Variants in ARSB observed in about 807,000 individuals in gnomAD.
ARSB encodes the protein arylsulfatase B.
ARSB carries 41 observed loss-of-function variants against 50.9 expected under a neutral mutation model. The ratio of observed to expected loss-of-function variants is 0.81; its 90% confidence interval spans 0.63 to 1.04. The LOEUF is 1.04. Ranked by LOEUF, ARSB falls within the 50% of genes least tolerant of loss-of-function variation. The probability of loss-of-function intolerance (pLI) is 0.00; values close to 1 mark genes in which losing one functional copy is unlikely to be tolerated. For synonymous variants in ARSB, 269 were observed against 284.8 expected (o/e 0.94, Z 0.56); for missense variants, 672 against 693.3 (o/e 0.97, Z 0.35).
Position 78,780,440 on chromosome 5 carries a change from C to T in ARSB, c.1559G>A (p.Arg520His), listed in dbSNP as rs889344708. Residue 520 changes from arginine to histidine, a missense_variant, in exon 8 of 8, where the codon CGC becomes CAC. Coordinates refer to ENST00000264914, the MANE Select transcript of ARSB (RefSeq NM_000046.5). ...CACCCCAGTGGCCTTGGGATCACAG[C>T]GGGGGTCCTGTGCAGGGAAGTACAC... ...VPVYFPAQDPRCDPKATGVWG... is the reference protein window; with the variant it reads ...VPVYFPAQDPHCDPKATGVWG... 9.3e-6 allele frequency: 15 copies of T among 1,613,986 alleles called. No individual in the cohort carries two copies. In the Admixed American group the frequency reaches 1.0e-4, roughly 11 times the overall value.
At chr5:78,816,209 C>A (rs1011796956) in intron 6 of ARSB, 6 of 1,608,718 alleles carry the variant, frequency 3.7e-6, no homozygotes, top group Non-Finnish European at 5.1e-6. Context: ...AGATTTCTTA[C>A]AATCTCACTA....
At chr5:78,872,060 A>G (rs901795655) in intron 5 of ARSB, among the ~76,000 whole-genome samples, 7 of 150,806 alleles carry the variant, frequency 4.6e-5, no homozygotes, top group Non-Finnish European at 1.0e-4. Context: ...AAAACACATG[A>G]AAAAATGCTC....
At position 78,850,060 on chromosome 5, in the gene ARSB, T is replaced by C. The variant is rs879792585; in HGVS notation, c.1143-10634A>G. ...TAATTGAATGCCCTTTATTTCCTTCTCCTGCCTAATTGCCCTGGCCAGAAC... is the reference window on the plus strand; with the variant it reads ...TAATTGAATGCCCTTTATTTCCTTCCCCTGCCTAATTGCCCTGGCCAGAAC... On this transcript the variant is annotated intron_variant, in intron 5 of 7. Coordinates refer to ENST00000264914, the MANE Select transcript of ARSB (RefSeq NM_000046.5). 7.2e-4 allele frequency among the ~76,000 whole-genome samples: 109 copies of C among 152,014 alleles called. 2 individuals carry two copies. The highest frequency in any genetic ancestry group is 1.7e-3 in the African/African-American group (71 of 41,492).
chr5:78,942,185 T>G (rs1284363949), intron 4 of ARSB, among the ~76,000 whole-genome samples: 1 of 152,210 alleles, frequency 6.6e-6, no homozygotes, highest in Non-Finnish European at 1.5e-5. Context: ...TCTTCTTTAT[T>G]AGTCTTGCTA....
chr5:78,971,368 G>A (rs55824250), intron 1 of ARSB, among the ~76,000 whole-genome samples: 29,607 of 152,086 alleles, frequency 0.19, 3,028 homozygotes, highest in African/African-American at 0.26. Flanking sequence ...GCCTTCCCCA[G>A]CCCTGGGAGC....
In ARSB at chr5:78,853,004, T is replaced by G. The variant is rs536150679; in HGVS notation, c.1143-13578A>C. 2.2e-4 allele frequency among the ~76,000 whole-genome samples: 33 copies of G among 152,348 alleles called. No homozygotes were observed. In the East Asian group the frequency reaches 5.8e-3, roughly 27 times the overall value. On this transcript the variant is annotated intron_variant, in intron 5 of 7. Transcript: ENST00000264914. ...TAACTTCTTTGCCTTTGGTTTGAAT[T>G]TCCTCCTGTAGCTCAGAGTAGTTTG...
chr5:78,974,772 G>A (rs773204427), intron 1 of ARSB, among the ~76,000 whole-genome samples: 5 of 152,122 alleles, frequency 3.3e-5, no homozygotes, highest in Non-Finnish European at 5.9e-5. Context: ...TGAGGCCTCC[G>A]CACTCCCCTT....
At chr5:78,848,862 T>C (rs1018864524) in intron 5 of ARSB, among the ~76,000 whole-genome samples, 40 of 152,232 alleles carry the variant, frequency 2.6e-4, no homozygotes, top group Non-Finnish European at 7.3e-5. Context: ...GCTGCATAAA[T>C]GTCTTCTTTT....
intron 6 of ARSB, among the ~76,000 whole-genome samples, chr5:78,803,716 G>C (rs1484486591): frequency 1.3e-5 from 2 of 152,380 alleles, no homozygotes; most frequent in African/African-American, 4.8e-5. Flanking sequence ...AGCCCTTGCA[G>C]AGCTACAAAT....
At chr5:78,959,634 A>G (rs1751896648) in intron 3 of ARSB, among the ~76,000 whole-genome samples, 1 of 152,174 alleles carries the variant, frequency 6.6e-6, no homozygotes, top group African/African-American at 2.4e-5. Flanking sequence ...ACTATAGCCC[A>G]TTTCAAGAGG....
At chr5:78,847,277 C>T (rs1745486848) in intron 5 of ARSB, among the ~76,000 whole-genome samples, 1 of 152,024 alleles carries the variant, frequency 6.6e-6, no homozygotes, top group African/African-American at 2.4e-5. Flanking sequence ...TAGGAGCATG[C>T]CACCATGCCT....
chr5:78,804,190 C>T (rs1201254985), intron 6 of ARSB, among the ~76,000 whole-genome samples: 2 of 149,196 alleles, frequency 1.3e-5, no homozygotes, highest in African/African-American at 5.0e-5. Context: ...CTGCTCACTG[C>T]AGATGTAACC....
intron 5 of ARSB, among the ~76,000 whole-genome samples, chr5:78,871,305 G>GA (rs1747158415): frequency 1.3e-5 from 2 of 152,100 alleles, no homozygotes; most frequent in South Asian, 4.1e-4. Flanking sequence ...CACAGAATTG[G>GA]AAAAAACTAC....
intron 6 of ARSB, among the ~76,000 whole-genome samples, chr5:78,810,110 C>T (rs575826888): frequency 2.2e-4 from 33 of 152,338 alleles, no homozygotes; most frequent in African/African-American, 6.3e-4. Context: ...TCAAATTTCC[C>T]GACCCCCGCA....
chr5:78,928,484 T>C (rs1182141208), intron 4 of ARSB, among the ~76,000 whole-genome samples: 2 of 151,930 alleles, frequency 1.3e-5, no homozygotes, highest in Non-Finnish European at 2.9e-5. Context: ...CTGGCTAATT[T>C]TTTATATTTT....
At chr5:78,842,054 T>C (rs1745241006) in intron 5 of ARSB, among the ~76,000 whole-genome samples, 1 of 152,012 alleles carries the variant, frequency 6.6e-6, no homozygotes, top group African/African-American at 2.4e-5. Context: ...CCGTTAATAG[T>C]TAACACTTTA....
chr5:78,859,307 TAAG>T (rs1176963208), intron 5 of ARSB, among the ~76,000 whole-genome samples: 2 of 152,174 alleles, frequency 1.3e-5, no homozygotes, highest in African/African-American at 4.8e-5. Context: ...AGATTGTTAT[TAAG>T]AAGGTTTATT....
At chr5:78,781,104 G>T (rs1344628940) in intron 7 of ARSB, among the ~76,000 whole-genome samples, 2 of 152,160 alleles carry the variant, frequency 1.3e-5, no homozygotes, top group African/African-American at 2.4e-5. Context: ...GTATTGAAAA[G>T]ATATCACTCT....
intron 3 of ARSB, among the ~76,000 whole-genome samples, chr5:78,962,065 A>C (rs1162720986): frequency 6.6e-6 from 1 of 152,132 alleles, no homozygotes; most frequent in Middle Eastern, 3.2e-3. Context: ...TGAACTAGGG[A>C]GGCTGATTAA....
Sources: allele counts gnomAD v4.1 joint callset (sites outside exome capture counted in the v4.1 genomes callset), GRCh38; gene constraint gnomAD v4.1.1; transcripts MANE v1.5; gene names NCBI Gene and HGNC (gene_info 2026-07-23, HGNC 2026-07-21).